The following TTC13 variants were observed in gnomAD, a reference collection of about 807,000 sequenced individuals.
TTC13 encodes tetratricopeptide repeat protein 13.
TTC13 carries 62 observed loss-of-function variants against 120.0 expected under a neutral mutation model. That is an observed-to-expected ratio of 0.52 (90% CI 0.42 to 0.64). The LOEUF (loss-of-function observed/expected upper bound fraction) is 0.64, where lower values mean the gene tolerates loss of function less well. Ranked by LOEUF, TTC13 falls within the 30% of genes least tolerant of loss-of-function variation. TTC13 has a pLI of 0.00. For missense variants in TTC13, 824 were observed against 1,050.2 expected (o/e 0.78, Z 2.98); for synonymous variants, 384 against 393.5 (o/e 0.98, Z 0.28).
intron 9 of TTC13, among the ~76,000 whole-genome samples, chr1:230,932,267 C>T (rs1305446863): frequency 6.6e-6 from 1 of 151,226 alleles, no homozygotes; most frequent in Non-Finnish European, 1.5e-5. Context: ...GTTCATCATT[C>T]TCAATCAAAT....
At chr1:230,908,331 G>A in intron 22 of TTC13, 1 of 448,146 alleles carries the variant, frequency 2.2e-6, no homozygotes, top group Admixed American at 2.4e-5. Context: ...GGGACTACAG[G>A]CACACACCAC....
intron 1 of TTC13, among the ~76,000 whole-genome samples, chr1:230,967,718 G>A (rs1029081805): frequency 2.6e-5 from 4 of 151,934 alleles, no homozygotes; most frequent in African/African-American, 7.3e-5. Context: ...TTTGTTCTTC[G>A]ATCTTAAAAT....
At chr1:230,922,141 A>C (rs531544418) in intron 15 of TTC13, among the ~76,000 whole-genome samples, 1 of 152,044 alleles carries the variant, frequency 6.6e-6, no homozygotes, top group East Asian at 1.9e-4. Flanking sequence ...CAGCCTCCCC[A>C]CTAAACATGT....
intron 12 of TTC13, among the ~76,000 whole-genome samples, chr1:230,928,482 G>A (rs1673244112): frequency 6.6e-6 from 1 of 152,042 alleles, no homozygotes; most frequent in African/African-American, 2.4e-5. Context: ...ATAATTTGTA[G>A]ATCTTCTAGG....
intron 1 of TTC13, among the ~76,000 whole-genome samples, chr1:230,973,804 G>C (rs1441608753): frequency 1.3e-5 from 2 of 152,166 alleles, no homozygotes; most frequent in African/African-American, 4.8e-5. Flanking sequence ...GGGGCCGGGC[G>C]TGGTGGCTCA....
intron 12 of TTC13, among the ~76,000 whole-genome samples, chr1:230,926,264 GA>G (rs1239717501): frequency 2.0e-5 from 3 of 152,008 alleles, no homozygotes; most frequent in African/African-American, 7.2e-5. Flanking sequence ...AAAACCGGCA[GA>G]GGGAAGAGGC....
chr1:230,972,826 C>T (rs893908453), intron 1 of TTC13, among the ~76,000 whole-genome samples: 1 of 152,176 alleles, frequency 6.6e-6, no homozygotes, highest in Admixed American at 6.5e-5. Context: ...AGGCTGCCAT[C>T]GTCATAGGGC....
Position 230,906,900 on chromosome 1 carries a change from C to G in TTC13, c.*5G>C. ...CCCTTTACTTGTATAAATACAGCAG[C>G]AGAACTAGAGTTTCTTAAGACAACG... On this transcript the variant is annotated 3_prime_UTR_variant, in exon 23 of 23. Coordinates refer to ENST00000366661, the MANE Select transcript of TTC13 (RefSeq NM_024525.5). The G allele has an allele frequency of 2.1e-6, 3 of 1,419,700 alleles. No homozygotes were observed. Among genetic ancestry groups the G allele is most frequent in the Non-Finnish European group, 2.8e-6 (3 of 1,065,554 alleles). The allele number at this position is 1,419,700 out of a possible 1,614,324, so 87.9% of individuals were successfully genotyped here. A position where few individuals can be genotyped will look rare whatever the true frequency, so the allele number is the denominator to read the frequency against.
chr1:230,935,853 T>C (rs1235507061), intron 8 of TTC13, among the ~76,000 whole-genome samples: 1 of 152,136 alleles, frequency 6.6e-6, no homozygotes, highest in Non-Finnish European at 1.5e-5. Context: ...ACTAATAAAG[T>C]GTCTCTGAGG....
At chr1:230,959,713 C>T (rs551696914) in intron 2 of TTC13, among the ~76,000 whole-genome samples, 2 of 152,326 alleles carry the variant, frequency 1.3e-5, no homozygotes, top group South Asian at 4.1e-4. Flanking sequence ...TGAAAAAGAC[C>T]CTTTCCTATT....
intron 17 of TTC13, among the ~76,000 whole-genome samples, chr1:230,918,158 A>G (rs1460039905): frequency 6.6e-6 from 1 of 152,248 alleles, no homozygotes; most frequent in Non-Finnish European, 1.5e-5. Flanking sequence ...TTTTGCACTT[A>G]AACGCTAACT....
At chr1:230,972,417 A>C (rs1465251213) in intron 1 of TTC13, among the ~76,000 whole-genome samples, 2 of 152,276 alleles carry the variant, frequency 1.3e-5, no homozygotes, top group Non-Finnish European at 2.9e-5. Context: ...GAAAAGGAAT[A>C]TGCTGGAAAG....
chr1:230,978,840 A>C lies in TTC13; in HGVS notation c.-10T>G. ...AGCCGGCAGGTGCCATCTTCCCTCA[A>C]GGCGCATGCGCGACAGCCCTTGCCC... On this transcript the variant is annotated 5_prime_UTR_variant, in exon 1 of 23. Transcript: ENST00000366661. The surrounding 1 kb of genome is among the most constrained non-coding windows in gnomAD (Gnocchi z 5.6). The C allele has an allele frequency of 1.4e-6, 2 of 1,465,020 alleles. No homozygotes were observed. Among genetic ancestry groups the C allele is most frequent in the Non-Finnish European group, 1.8e-6 (2 of 1,118,616 alleles). 90.8% of individuals were successfully genotyped at this position (1,465,020 alleles called of 1,614,324 possible).
At chr1:230,948,988 A>C (rs939615622) in intron 4 of TTC13, among the ~76,000 whole-genome samples, 1 of 152,120 alleles carries the variant, frequency 6.6e-6, no homozygotes, top group Admixed American at 6.5e-5. Flanking sequence ...CCCCTGGAAA[A>C]TAAATATGCT....
rs763240783 is a variant in TTC13, at chr1:230,909,026, T to A, written c.2310-6A>T. The A allele has an allele frequency of 5.8e-5, 94 of 1,613,472 alleles. No individual in the cohort carries two copies. Among genetic ancestry groups the A allele is most frequent in the Non-Finnish European group, 7.7e-5 (91 of 1,179,530 alleles). ...TGACCGAGTAAGCAATTACACTATT[T>A]AAATAAAGAACAAAGGTCAATCCAT... On this transcript the variant is annotated splice_polypyrimidine_tract_variant and splice_region_variant and intron_variant, in intron 20 of 22. Transcript: ENST00000366661.
rs1224327345 is a variant in TTC13, at chr1:230,978,302, G to A, written c.271+258C>T. Among the ~76,000 whole-genome samples, 3 of 152,160 alleles carry A rather than the reference G, an allele frequency of 2.0e-5. No individual in the cohort carries two copies. Among genetic ancestry groups the A allele is most frequent in the African/African-American group, 4.8e-5 (2 of 41,456 alleles). On this transcript the variant is annotated intron_variant, in intron 1 of 22. Coordinates refer to ENST00000366661, the MANE Select transcript of TTC13 (RefSeq NM_024525.5). This position sits in a 1 kb window ranked among gnomAD's most constrained non-coding sequence, Gnocchi z 5.6. The stretch of plus-strand genomic sequence containing the variant: ...TTGCTTCAGACTCAGGAGAGAGGCC[G>A]CCCTGGCCCCAGGAGCATGCTGTCA...
In TTC13 at chr1:230,948,489, CT is replaced by C. The variant is rs1300561779; in HGVS notation, c.514-3036del. On this transcript the variant is annotated intron_variant, in intron 4 of 22. Coordinates refer to ENST00000366661, the MANE Select transcript of TTC13 (RefSeq NM_024525.5). ...TACTGTTCAGCCTCATCTCCTTCCT[CT>C]TTTTTTTTTTTCTTTTCATAAAGAC... is the stretch of plus-strand genomic sequence containing the variant. Among the ~76,000 whole-genome samples, 578 of 142,856 alleles carry C rather than the reference CT, an allele frequency of 4.0e-3. 7 individuals are homozygous for C. The highest frequency in any genetic ancestry group is 9.7e-3 in the African/African-American group (382 of 39,426). 93.7% of individuals were successfully genotyped at this position (142,856 alleles called of 152,430 possible). A position where few individuals can be genotyped will look rare whatever the true frequency, so the allele number is the denominator to read the frequency against.
chr1:230,908,632 A>G, intron 22 of TTC13, 80 bp downstream of exon 22: 2 of 1,117,732 alleles, frequency 1.8e-6, no homozygotes, highest in Non-Finnish European at 2.6e-6. Context: ...TCCAGTTTTC[A>G]TAGCGCTCCA....
chr1:230,919,027 G>T (rs1185048111), intron 17 of TTC13, among the ~76,000 whole-genome samples: 1 of 152,114 alleles, frequency 6.6e-6, no homozygotes, highest in African/African-American at 2.4e-5. Context: ...AATTCTTAAT[G>T]GATTATACTT....
Sources: allele counts gnomAD v4.1 joint callset (sites outside exome capture counted in the v4.1 genomes callset), GRCh38; gene constraint gnomAD v4.1.1; non-coding constraint Gnocchi (gnomAD v3.1); transcripts MANE v1.5; gene names NCBI Gene and HGNC (gene_info 2026-07-23, HGNC 2026-07-21).